Variants in PLPP7 observed in about 807,000 individuals in gnomAD.
PLPP7 encodes phospholipid phosphatase 7 (inactive).
PLPP7 carries 11 observed loss-of-function variants against 16.9 expected under a neutral mutation model. The ratio of observed to expected loss-of-function variants is 0.65; its 90% CI spans 0.41 to 1.08. The LOEUF is 1.08. Among genes scored for constraint, PLPP7 ranks in the 50% least tolerant of loss-of-function variants. The pLI, the probability that PLPP7 is intolerant of heterozygous loss-of-function variation, is 0.00. For synonymous variants in PLPP7, 174 were observed against 175.1 expected (o/e 0.99, Z 0.05); for missense variants, 358 against 397.1 (o/e 0.90, Z 0.84).
intron 1 of PLPP7, among the ~76,000 whole-genome samples, chr9:131,300,689 G>GA (rs1165239833): frequency 0.02 from 817 of 40,060 alleles, 4 homozygotes; most frequent in South Asian, 0.029. Context: ...CTCAAAAGCA[G>GA]AAAAAAAAAA....
At chr9:131,294,055 G>A (rs942953985) in intron 1 of PLPP7, among the ~76,000 whole-genome samples, 1 of 152,166 alleles carries the variant, frequency 6.6e-6, no homozygotes, top group Non-Finnish European at 1.5e-5. Context: ...TGCTGGGCCT[G>A]GGGAAGTTCT....
At chr9:131,298,511 C>A (rs1835760669) in intron 1 of PLPP7, among the ~76,000 whole-genome samples, 1 of 152,086 alleles carries the variant, frequency 6.6e-6, no homozygotes, top group Non-Finnish European at 1.5e-5. Flanking sequence ...ACCCCACTAG[C>A]CCCAACTCCC....
At chr9:131,297,596 G>T (rs182042471) in intron 1 of PLPP7, among the ~76,000 whole-genome samples, 1 of 152,258 alleles carries the variant, frequency 6.6e-6, no homozygotes, top group Non-Finnish European at 1.5e-5. Context: ...ATGTTGGCCA[G>T]GCTGGTCTCG....
At chr9:131,298,070 G>A (rs535968522) in intron 1 of PLPP7, among the ~76,000 whole-genome samples, 3 of 152,158 alleles carry the variant, frequency 2.0e-5, no homozygotes, top group Admixed American at 1.3e-4. Flanking sequence ...CTTGAAGGGC[G>A]CTGGGTCGTT....
At chr9:131,302,661 T>A (rs564509760) in intron 1 of PLPP7, among the ~76,000 whole-genome samples, 1 of 152,318 alleles carries the variant, frequency 6.6e-6, no homozygotes, top group Non-Finnish European at 1.5e-5. Flanking sequence ...CCCGCCCTCC[T>A]TGGGCCAGCC....
At chr9:131,299,190 G>A (rs1002784137) in intron 1 of PLPP7, among the ~76,000 whole-genome samples, 11 of 136,856 alleles carry the variant, frequency 8.0e-5, no homozygotes, top group African/African-American at 2.6e-4. Flanking sequence ...GAGCCTGAGT[G>A]CGCCCTGGGT....
chr9:131,300,132 G>A (rs561320194), intron 1 of PLPP7, among the ~76,000 whole-genome samples: 3 of 152,282 alleles, frequency 2.0e-5, no homozygotes, highest in Non-Finnish European at 4.4e-5. Context: ...CTGAGGGGCC[G>A]CATCTGGTGA....
intron 1 of PLPP7, chr9:131,292,860 G>A: frequency 1.0e-6 from 1 of 985,310 alleles, no homozygotes; most frequent in Non-Finnish European, 1.2e-6. Context: ...TTAAGATAAG[G>A]CTTCAGGCTC....
At chr9:131,303,267 G>A (rs1483174876) in intron 1 of PLPP7, among the ~76,000 whole-genome samples, 2 of 149,150 alleles carry the variant, frequency 1.3e-5, no homozygotes, top group African/African-American at 5.0e-5. Flanking sequence ...GGGAAGCGGA[G>A]GTTGTGGTGA....
chr9:131,307,588 A>G (rs1835867916), intron 1 of PLPP7, among the ~76,000 whole-genome samples: 1 of 149,934 alleles, frequency 6.7e-6, no homozygotes, highest in Non-Finnish European at 1.5e-5. Flanking sequence ...AAAAAAACCC[A>G]AAGAAATAAA....
chr9:131,306,216 G>A (rs187820734), intron 1 of PLPP7, among the ~76,000 whole-genome samples: 1 of 149,438 alleles, frequency 6.7e-6, no homozygotes, highest in East Asian at 2.0e-4. Flanking sequence ...CAGCCTGGAT[G>A]ACTGAGCGAG....
Position 131,290,402 on chromosome 9 carries a change from G to A in PLPP7, c.405G>A (p.Lys135=), listed in dbSNP as rs1385674728. 2.5e-6 allele frequency: 4 copies of A among 1,585,296 alleles called. No individual in the cohort carries two copies. In the South Asian group the frequency reaches 3.4e-5, roughly 14 times the overall value. Reference sequence around the variant, plus strand: ...GAGGCACCATCCTCTGCCTGGTGAAGAGCAGCACACTGGCCGGCCAGGAGG... The same window carrying A: ...GAGGCACCATCCTCTGCCTGGTGAAAAGCAGCACACTGGCCGGCCAGGAGG... ...WIGGTILCLV[K]SSTLAGQEVL... The change falls in exon 1 of 2, where the codon AAG becomes AAA. Residue 135 remains lysine (K), a synonymous_variant. Transcript: ENST00000372264. This position sits in a 1 kb window ranked among gnomAD's most constrained non-coding sequence, Gnocchi z 4.2.
At chr9:131,298,098 A>G (rs1191963837) in intron 1 of PLPP7, among the ~76,000 whole-genome samples, 3 of 152,094 alleles carry the variant, frequency 2.0e-5, no homozygotes, top group South Asian at 4.1e-4. Context: ...TTTCGGTGTT[A>G]TAAACAATGC....
intron 1 of PLPP7, among the ~76,000 whole-genome samples, chr9:131,298,631 G>T (rs78109306): frequency 6.6e-6 from 1 of 152,150 alleles, no homozygotes; most frequent in African/African-American, 2.4e-5. Flanking sequence ...CCCTCTTCCC[G>T]CAGTGCACAT....
Position 131,290,301 on chromosome 9 carries a change from C to G in PLPP7, c.304C>G (p.Arg102Gly). Residue 102 changes from arginine to glycine, a missense_variant, in exon 1 of 2, where the codon CGG becomes GGG. Arg to Gly is a moderately radical substitution (Grantham distance 125, BLOSUM62 -2). Transcript: ENST00000372264. The surrounding 1 kb of genome is among the most constrained non-coding windows in gnomAD (Gnocchi z 4.2). ...MSKRLGVCAGRAASWASARSM... is the reference protein window; with the variant it reads ...MSKRLGVCAGGAASWASARSM... The stretch of plus-strand genomic sequence containing the variant: ...CAAGCGGCTGGGGGTGTGCGCTGGC[C>G]GGGCGGCGTCCTGGGCCAGTGCCCG... 1 of 1,611,944 alleles carries G rather than the reference C, an allele frequency of 6.2e-7. No individual in the cohort carries two copies. The highest frequency in any genetic ancestry group is 8.5e-7 in the Non-Finnish European group (1 of 1,179,188).
intron 1 of PLPP7, chr9:131,291,189 A>G (rs1835672317): frequency 7.3e-7 from 1 of 1,364,038 alleles, no homozygotes; most frequent in South Asian, 1.1e-5. Flanking sequence ...GGTGATGCCC[A>G]GCCCCCGTCC....
Position 131,293,994 on chromosome 9 carries a change from C to T in PLPP7, c.451+3546C>T, listed in dbSNP as rs571973154. Among the ~76,000 whole-genome samples, 60 of 152,276 alleles carry T rather than the reference C, an allele frequency of 3.9e-4. No individual in the cohort carries two copies. The South Asian group carries it at 0.011, about 28-fold the overall frequency. The stretch of plus-strand genomic sequence containing the variant: ...TTCCACTTGGCTCTGAAGAGGCAGA[C>T]TTGGGAGCTTGGGAAATGGGAGCTG... On this transcript the variant is annotated intron_variant, in intron 1 of 1. Coordinates refer to ENST00000372264, the MANE Select transcript of PLPP7 (RefSeq NM_032728.4).
Position 131,308,413 on chromosome 9 carries a change from A to AGCCCCTGCGTGTGCTGCTGGTGC in PLPP7, c.*126_*127insGCCCCTGCGTGTGCTGCTGGTGC. 2 of 1,396,976 alleles carry AGCCCCTGCGTGTGCTGCTGGTGC rather than the reference A, an allele frequency of 1.4e-6. No homozygotes were observed. Among genetic ancestry groups the AGCCCCTGCGTGTGCTGCTGGTGC allele is most frequent in the Non-Finnish European group, 1.9e-6 (2 of 1,064,102 alleles). The allele number at this position is 1,396,976 out of a possible 1,614,324, so 86.5% of individuals were successfully genotyped here. The stretch of plus-strand genomic sequence containing the variant: ...GAGTCAGAGCGGCCACCCCCACCTC[A>AGCCCCTGCGTGTGCTGCTGGTGC]TCTTCCCCTCCTGGCTGGAGGCTGG... On this transcript the variant is annotated 3_prime_UTR_variant, in exon 2 of 2. Transcript: ENST00000372264.
rs771789813 is a variant in PLPP7 at position 131,308,195 on chromosome 9, T to A, written c.724T>A (p.Ser242Thr). Reference protein sequence around the residue: ...IGRHHVTDVLSGFVIGYLQFR... With the variant: ...IGRHHVTDVLTGFVIGYLQFR... ...CCGCCACCACGTCACGGACGTCCTC[T>A]CCGGCTTTGTCATCGGCTACCTCCA... Residue 242 changes from serine (S) to threonine (T), a missense_variant, in exon 2 of 2, where the codon TCC becomes ACC. Coordinates refer to ENST00000372264, the MANE Select transcript of PLPP7 (RefSeq NM_032728.4). 6.3e-7 allele frequency: 1 copy of A among 1,599,980 alleles called. No individual in the cohort carries two copies. The highest frequency in any genetic ancestry group is 8.5e-7 in the Non-Finnish European group (1 of 1,179,818).
Sources: gnomAD v4.1 joint callset for allele counts (sites outside exome capture counted in the v4.1 genomes callset) on GRCh38, gnomAD v4.1.1 for gene constraint, Gnocchi (gnomAD v3.1) non-coding constraint, MANE v1.5 for transcripts, NCBI Gene and HGNC (gene_info 2026-07-23, HGNC 2026-07-21) for gene names.